ANKFY1: variants seen among roughly 807,000 people sequenced by gnomAD.
ANKFY1 encodes ankyrin repeat and FYVE domain-containing protein 1.
Under a neutral mutation model 128.3 loss-of-function variants are expected in ANKFY1, and 47 were observed. The observed-to-expected ratio is 0.37, with a 90% CI of 0.29 to 0.47. The LOEUF is 0.47. Ranked by LOEUF, ANKFY1 falls within the 20% of genes least tolerant of loss-of-function variation. ANKFY1 has a pLI of 1.00. For synonymous variants in ANKFY1, 553 were observed against 601.6 expected (o/e 0.92, Z 1.18); for missense variants, 1,222 against 1,510.6 (o/e 0.81, Z 3.17).
chr17:4,215,941 G>GA (rs1377173022), intron 4 of ANKFY1, among the ~76,000 whole-genome samples: 1 of 152,148 alleles, frequency 6.6e-6, no homozygotes, highest in African/African-American at 2.4e-5. Context: ...ACAAATGAAA[G>GA]AAACAGTTAA....
chr17:4,242,297 C>T lies in ANKFY1; in HGVS notation c.162G>A (p.Leu54=), dbSNP rs1364093984. 4 of 1,591,852 alleles carry T rather than the reference C, an allele frequency of 2.5e-6. No individual in the cohort carries two copies. In the African/African-American group the frequency reaches 5.4e-5, roughly 22 times the overall value. Residue 54 remains leucine (L), a synonymous_variant, in exon 2 of 25, where the codon CTG becomes CTA. Coordinates refer to ENST00000341657, the MANE Select transcript of ANKFY1 (RefSeq NM_001330063.2). ...ESSSESFISR[L]LAIVADLYEQ... ...CGTAGAGGTCTGCCACGATGGCCAG[C>T]AGACGGCTGATGAAGGACTCGCTGC...
intron 3 of ANKFY1, among the ~76,000 whole-genome samples, chr17:4,217,720 C>T (rs1468472064): frequency 6.6e-6 from 1 of 151,944 alleles, no homozygotes. Flanking sequence ...GGTCTCACTA[C>T]GTCACCCAGG....
chr17:4,242,869 C>T (rs1291052970), intron 1 of ANKFY1, among the ~76,000 whole-genome samples: 4 of 152,172 alleles, frequency 2.6e-5, no homozygotes, highest in African/African-American at 9.7e-5. Flanking sequence ...AGAGATGTAC[C>T]TAAAGATGCT....
At chr17:4,174,641 C>G (rs911246314) in intron 19 of ANKFY1, among the ~76,000 whole-genome samples, 1 of 152,162 alleles carries the variant, frequency 6.6e-6, no homozygotes, top group Admixed American at 6.5e-5. Context: ...AGAGCTGGGA[C>G]TCAAAGAGAG....
intron 2 of ANKFY1, among the ~76,000 whole-genome samples, chr17:4,241,863 G>A (rs1425374657): frequency 1.3e-5 from 2 of 151,742 alleles, no homozygotes; most frequent in Non-Finnish European, 2.9e-5. Flanking sequence ...GCCGAGGCAG[G>A]CGGACCATGA....
intron 8 of ANKFY1, among the ~76,000 whole-genome samples, chr17:4,197,075 T>C (rs1310545658): frequency 6.6e-6 from 1 of 152,126 alleles, no homozygotes; most frequent in East Asian, 1.9e-4. Flanking sequence ...GCCAAGATCA[T>C]ACCACTGCGC....
chr17:4,263,845 G>C, intron 1 of ANKFY1, 87 bp downstream of exon 1: 1 of 1,611,930 alleles, frequency 6.2e-7, no homozygotes, highest in Non-Finnish European at 8.5e-7. Context: ...ACCACGCCCG[G>C]CCTTCCCCTC....
intron 10 of ANKFY1, among the ~76,000 whole-genome samples, chr17:4,190,696 T>G (rs1246306611): frequency 6.6e-6 from 1 of 152,222 alleles, no homozygotes; most frequent in East Asian, 1.9e-4. Flanking sequence ...AAAATGAGTT[T>G]TTTTTTCTCT....
At position 4,189,318 on chromosome 17, in the gene ANKFY1, A is replaced by T; in HGVS notation, c.1470+64T>A. 3 of 1,390,430 alleles carry T rather than the reference A, an allele frequency of 2.2e-6. No homozygotes were observed. In the Admixed American group the frequency reaches 6.3e-5, roughly 29 times the overall value. The allele number at this position is 1,390,430 out of a possible 1,614,324, so 86.1% of individuals were successfully genotyped here. On this transcript the variant is annotated intron_variant, in intron 11 of 24. Transcript: ENST00000341657. ...CCACCTATTCCCCTTTTTCCTACAT[A>T]TCCACCACTGCCATTTCTTCCATAG... is the stretch of plus-strand genomic sequence containing the variant.
chr17:4,178,782 C>A lies in ANKFY1; in HGVS notation c.2598+75G>T. Reference sequence around the variant, plus strand: ...CTTTCCATGAGGAGACCTGTTTAGTCGGTGACATCTGTCTAGTCTCCAGGT... The same window carrying A: ...CTTTCCATGAGGAGACCTGTTTAGTAGGTGACATCTGTCTAGTCTCCAGGT... On this transcript the variant is annotated intron_variant, in intron 18 of 24. Transcript: ENST00000341657. The surrounding 1 kb of genome is among the most constrained non-coding windows in gnomAD (Gnocchi z 4.1). 7.1e-7 allele frequency: 1 copy of A among 1,405,368 alleles called. No homozygotes were observed. The highest frequency in any genetic ancestry group is 1.2e-5 in the South Asian group (1 of 84,048). 87.1% of individuals were successfully genotyped at this position (1,405,368 alleles called of 1,614,324 possible).
chr17:4,197,383 T>C lies in ANKFY1; in HGVS notation c.1093A>G (p.Ser365Gly), dbSNP rs1481298343. The change falls in exon 8 of 25, where the codon AGC becomes GGC. Residue 365 changes from serine to glycine, a missense_variant. By Grantham distance (56) the Ser-to-Gly change is moderately conservative. Coordinates refer to ENST00000341657, the MANE Select transcript of ANKFY1 (RefSeq NM_001330063.2). ...QAGANPNMQD[S>G]KGRTPLHVSI... is the part of the protein sequence containing the mutation. The stretch of plus-strand genomic sequence containing the variant: ...TGCTCCCCAGCTTACCTCCCCTTGC[T>C]GTCCTGCATGTTGGGGTTGGCACCA... 6.2e-7 allele frequency: 1 copy of C among 1,614,068 alleles called. No homozygotes were observed. Among genetic ancestry groups the C allele is most frequent in the Non-Finnish European group, 8.5e-7 (1 of 1,180,042 alleles).
intron 19 of ANKFY1, among the ~76,000 whole-genome samples, chr17:4,175,145 T>A (rs1483974995): frequency 1.3e-5 from 2 of 151,132 alleles, no homozygotes; most frequent in Non-Finnish European, 3.0e-5. Context: ...CCAACCCAGG[T>A]AACATGGCAA....
At chr17:4,202,354 T>C (rs1228402337) in intron 7 of ANKFY1, among the ~76,000 whole-genome samples, 1 of 145,282 alleles carries the variant, frequency 6.9e-6, no homozygotes, top group Non-Finnish European at 1.5e-5. Context: ...TGAGCCGAGA[T>C]TGCAGCACTG....
At chr17:4,199,079 G>A (rs2143011699) in intron 7 of ANKFY1, among the ~76,000 whole-genome samples, 1 of 152,350 alleles carries the variant, frequency 6.6e-6, no homozygotes, top group Non-Finnish European at 1.5e-5. Flanking sequence ...AGGATCGCTT[G>A]AGCCCCAGAG....
rs373703684 is a variant in ANKFY1 at position 4,169,426 on chromosome 17, G to A, written c.3287-138C>T. Reference sequence around the variant, plus strand: ...GACATAGGTGACGAAGGAGCGATAGGTTCTAAGTGGTTCAGGGCCAGCTTC... The same window carrying A: ...GACATAGGTGACGAAGGAGCGATAGATTCTAAGTGGTTCAGGGCCAGCTTC... On this transcript the variant is annotated intron_variant, in intron 23 of 24. Transcript: ENST00000341657. This position sits in a 1 kb window ranked among gnomAD's most constrained non-coding sequence, Gnocchi z 5.0. The A allele has an allele frequency of 7.8e-6, 5 of 639,638 alleles. No homozygotes were observed. The Admixed American group carries it at 1.3e-4, about 16-fold the overall frequency. 39.6% of individuals were successfully genotyped at this position (639,638 alleles called of 1,614,324 possible).
chr17:4,178,674 A>C lies in ANKFY1; in HGVS notation c.2598+183T>G, dbSNP rs554261717. ...CACTGTCAGGCGCTGACACACAGGC[A>C]GAGGAGCCGGATCTCATCCTGCACG... is the stretch of plus-strand genomic sequence containing the variant. On this transcript the variant is annotated intron_variant, in intron 18 of 24. Transcript: ENST00000341657. The surrounding 1 kb of genome is among the most constrained non-coding windows in gnomAD (Gnocchi z 4.1). 28 of 637,520 alleles carry C rather than the reference A, an allele frequency of 4.4e-5. No homozygotes were observed. Among genetic ancestry groups the C allele is most frequent in the African/African-American group, 4.4e-4 (24 of 54,898 alleles). 39.5% of individuals were successfully genotyped at this position (637,520 alleles called of 1,614,324 possible).
At chr17:4,205,264 C>T (rs1476310965) in intron 7 of ANKFY1, among the ~76,000 whole-genome samples, 1 of 152,202 alleles carries the variant, frequency 6.6e-6, no homozygotes, top group Non-Finnish European at 1.5e-5. Context: ...CGCTTTGACA[C>T]TTTGGAAAGC....
At chr17:4,222,230 G>A (rs2060333685) in intron 3 of ANKFY1, 5 of 315,996 alleles carry the variant, frequency 1.6e-5, no homozygotes, top group East Asian at 6.2e-5. Flanking sequence ...GCCGCCCCGC[G>A]GACCCCGGAG....
intron 3 of ANKFY1, among the ~76,000 whole-genome samples, chr17:4,219,040 T>C (rs1345439139): frequency 1.3e-5 from 2 of 152,170 alleles, no homozygotes; most frequent in African/African-American, 4.8e-5. Context: ...ATTGGAAGGA[T>C]ATATACTAAA....
Sources: allele counts gnomAD v4.1 joint callset (sites outside exome capture counted in the v4.1 genomes callset), GRCh38; gene constraint gnomAD v4.1.1; non-coding constraint Gnocchi (gnomAD v3.1); transcripts MANE v1.5; gene names NCBI Gene and HGNC (gene_info 2026-07-23, HGNC 2026-07-21).